The following LMF1 variants were observed in gnomAD, a reference collection of about 807,000 sequenced individuals.
LMF1 encodes the protein lipase maturation factor 1.
Under a neutral mutation model 60.6 loss-of-function variants are expected in LMF1, and 68 were observed. The observed-to-expected ratio is 1.12, with a 90% CI of 0.92 to 1.37. The LOEUF (loss-of-function observed/expected upper bound fraction) is 1.37, where lower values mean the gene tolerates loss of function less well. LMF1 is among the 40% of genes most tolerant of loss of function. The pLI, the probability that LMF1 is intolerant of heterozygous loss-of-function variation, is 0.00. For missense variants in LMF1, 948 were observed against 767.2 expected (o/e 1.24, Z -2.78); for synonymous variants, 418 against 324.7 (o/e 1.29, Z -3.09).
intron 10 of LMF1, 149 bp from the exon 11 acceptor site, chr16:854,855 A>T (rs1378924931): frequency 6.8e-6 from 5 of 739,912 alleles, no homozygotes; most frequent in Non-Finnish European, 1.2e-5. Context: ...GCACAGGTAG[A>T]CCCCCAGCAG....
chr16:954,691 A>G (rs763123163), intron 1 of LMF1, 25 bp from the exon 2 acceptor site: 1 of 1,564,878 alleles, frequency 6.4e-7, no homozygotes, highest in Non-Finnish European at 8.6e-7. Context: ...AGACAAAACA[A>G]GCATGACTAG....
At chr16:876,163 C>T (rs975610040) in intron 6 of LMF1, among the ~76,000 whole-genome samples, 9 of 152,230 alleles carry the variant, frequency 5.9e-5, no homozygotes, top group African/African-American at 9.6e-5. Flanking sequence ...GGGGCACGTG[C>T]GGACCACGGG....
chr16:960,343 A>C (rs560183668), intron 1 of LMF1, among the ~76,000 whole-genome samples: 1 of 148,932 alleles, frequency 6.7e-6, no homozygotes, highest in Admixed American at 6.7e-5. Flanking sequence ...TCACGGTGAC[A>C]GCACGGGATC....
intron 10 of LMF1, 58 bp downstream of exon 10, chr16:868,886 C>T (rs2151697933): frequency 2.7e-6 from 3 of 1,123,546 alleles, no homozygotes; most frequent in East Asian, 4.7e-5. Context: ...TGGTGGGATC[C>T]CAGCAGACAC....
chr16:937,772 C>A (rs903977842), intron 2 of LMF1, among the ~76,000 whole-genome samples: 14 of 152,244 alleles, frequency 9.2e-5, no homozygotes, highest in African/African-American at 3.4e-4. Context: ...CATTTTGGGG[C>A]AGGCTAGTTG....
At chr16:927,081 A>G (rs1406997665) in intron 3 of LMF1, among the ~76,000 whole-genome samples, 1 of 152,152 alleles carries the variant, frequency 6.6e-6, no homozygotes, top group East Asian at 1.9e-4. Context: ...GCCTCCAGAG[A>G]TGGAGCCGAG....
intron 1 of LMF1, chr16:976,723 C>T (rs968299406): frequency 2.0e-5 from 9 of 454,014 alleles, no homozygotes; most frequent in African/African-American, 1.0e-4. Flanking sequence ...GAGTGACGGA[C>T]GCTGAGCAGC....
upstream of LMF1, chr16:981,348 GTGTGTGTGT>G (rs2073369454): frequency 1.2e-5 from 1 of 82,880 alleles, no homozygotes; most frequent in African/African-American, 7.3e-5. Flanking sequence ...GAGAGAGAGA[GTGTGTGTGT>G]GTGTGTGTGT....
Position 854,300 on chromosome 16 carries a change from C to T in LMF1, c.*232G>A, listed in dbSNP as rs577663111. 1.4e-4 allele frequency: 93 copies of T among 686,100 alleles called. 1 individual carries two copies. Among genetic ancestry groups the T allele is most frequent in the Admixed American group, 7.9e-4 (39 of 49,364 alleles). 42.5% of individuals were successfully genotyped at this position (686,100 alleles called of 1,614,324 possible). The stretch of plus-strand genomic sequence containing the variant: ...ATGGATGGGAGATCAGAGCCCCTGG[C>T]GCCTGGGACAAGGGTTGGCCTGGAT... On this transcript the variant is annotated 3_prime_UTR_variant, in exon 11 of 11. Coordinates refer to ENST00000262301, the MANE Select transcript of LMF1 (RefSeq NM_022773.4).
In LMF1 at chr16:970,918, C is replaced by A; in HGVS notation, c.63G>T (p.Gly21=). The A allele has an allele frequency of 6.3e-7, 1 of 1,579,252 alleles. No individual in the cohort carries two copies. Among genetic ancestry groups the A allele is most frequent in the South Asian group, 1.1e-5 (1 of 86,986 alleles). ...PAESLRRRKT[G]YSDPEPESPP... ...GCGACTCAGGCTCCGGATCCGAGTA[C>A]CCAGTCTTCCGCCTCCTCAGCGACT... The change falls in exon 1 of 11, where the codon GGG becomes GGT. Residue 21 remains glycine (G), a synonymous_variant. Transcript: ENST00000262301.
chr16:871,183 C>T lies in LMF1; in HGVS notation c.1056G>A (p.Gly352=), dbSNP rs2069778415. Reference sequence around the variant, plus strand: ...TACCGAATCTGGGCTCGGGCCGGGCCCCTCGGATGTCCCTCTGCATCTGCA... The same window carrying T: ...TACCGAATCTGGGCTCGGGCCGGGCTCCTCGGATGTCCCTCTGCATCTGCA... The part of the protein sequence containing the change: ...RVLQMQRDIR[G]ARPEPRFGSV... The change falls in exon 7 of 11, where the codon GGG becomes GGA. Residue 352 remains glycine, a synonymous_variant. Transcript: ENST00000262301. 6.2e-7 allele frequency: 1 copy of T among 1,605,712 alleles called. No individual in the cohort carries two copies. Among genetic ancestry groups the T allele is most frequent in the Non-Finnish European group, 8.5e-7 (1 of 1,176,850 alleles).
upstream of LMF1, among the ~76,000 whole-genome samples, chr16:972,682 A>T (rs891170653): frequency 1.6e-4 from 24 of 152,312 alleles, no homozygotes; most frequent in African/African-American, 5.3e-4. Context: ...CCTCACAAGG[A>T]GGCTTTGTGC....
At chr16:866,271 G>T (rs1286129867) in intron 10 of LMF1, among the ~76,000 whole-genome samples, 1 of 152,192 alleles carries the variant, frequency 6.6e-6, no homozygotes, top group Admixed American at 6.5e-5. Flanking sequence ...TAGAGACAGG[G>T]GTATTACCTT....
At chr16:855,509 C>A (rs922282703) in intron 10 of LMF1, 5 of 358,306 alleles carry the variant, frequency 1.4e-5, no homozygotes, top group Admixed American at 7.5e-5. Context: ...TGGGACGAAG[C>A]CCCCTCATGT....
At chr16:959,439 G>T (rs968953446) in intron 1 of LMF1, among the ~76,000 whole-genome samples, 8 of 152,154 alleles carry the variant, frequency 5.3e-5, no homozygotes. Context: ...TCCCATGCAC[G>T]GGGGACTTGG....
chr16:913,205 C>T (rs908317911), intron 3 of LMF1, among the ~76,000 whole-genome samples: 14 of 152,238 alleles, frequency 9.2e-5, no homozygotes, highest in Non-Finnish European at 1.8e-4. Flanking sequence ...TGCTCCACTC[C>T]ACGGCTCCGG....
chr16:878,606 G>A lies in LMF1; in HGVS notation c.897+964C>T, dbSNP rs534309403. Among the ~76,000 whole-genome samples the A allele has an allele frequency of 3.9e-4, 59 of 152,266 alleles. No individual in the cohort carries two copies. The South Asian group carries it at 0.011, about 29-fold the overall frequency. ...GGACGGGTGAACCGACCGCAGGCACGCACCGTGAAACAGGACCCGGCCAAC... is the reference window on the plus strand; with the variant it reads ...GGACGGGTGAACCGACCGCAGGCACACACCGTGAAACAGGACCCGGCCAAC... On this transcript the variant is annotated intron_variant, in intron 6 of 10. Transcript: ENST00000262301. The surrounding 1 kb of genome is among the most constrained non-coding windows in gnomAD (Gnocchi z 5.2).
rs1407406356 is a variant in LMF1, at chr16:955,219, A to G, written c.194-553T>C. On this transcript the variant is annotated intron_variant, in intron 1 of 10. Transcript: ENST00000262301. ...TAAGTAAACTAGACAAGTTACATAAAAGGCGTGCCTGCAGCAGACGTGGTG... is the reference window on the plus strand; with the variant it reads ...TAAGTAAACTAGACAAGTTACATAAGAGGCGTGCCTGCAGCAGACGTGGTG... 1.5e-5 allele frequency among the ~76,000 whole-genome samples: 2 copies of G among 130,134 alleles called. 1 individual carries two copies. The highest frequency in any genetic ancestry group is 3.1e-5 in the Non-Finnish European group (2 of 63,742). The allele number at this position is 130,134 out of a possible 152,430, so 85.4% of individuals were successfully genotyped here. A position where few individuals can be genotyped will look rare whatever the true frequency, so the allele number is the denominator to read the frequency against.
At chr16:976,201 G>T (rs1045346422) in intron 1 of LMF1, 1 of 450,378 alleles carries the variant, frequency 2.2e-6, no homozygotes, top group Non-Finnish European at 4.5e-6. Flanking sequence ...CGGATGGGCT[G>T]GGGGCTGGGG....
Sources: gnomAD v4.1 joint callset for allele counts (sites outside exome capture counted in the v4.1 genomes callset) on GRCh38, gnomAD v4.1.1 for gene constraint, Gnocchi (gnomAD v3.1) non-coding constraint, MANE v1.5 for transcripts, NCBI Gene and HGNC (gene_info 2026-07-23, HGNC 2026-07-21) for gene names.